Variants in PRELID3A observed in about 807,000 individuals in gnomAD.
The protein encoded by PRELID3A is PRELI domain containing 3A.
Under a neutral mutation model 23.0 loss-of-function variants are expected in PRELID3A, and 27 were observed. The observed-to-expected ratio is 1.17, with a 90% CI of 0.87 to 1.62. The LOEUF (loss-of-function observed/expected upper bound fraction) is 1.62. Ranked by LOEUF, PRELID3A falls within the 40% of genes most tolerant of loss-of-function variation. The pLI is 0.00. For missense variants in PRELID3A, 231 were observed against 231.4 expected (o/e 1.00, Z 0.01); for synonymous variants, 87 against 86.4 (o/e 1.01, Z -0.04).
At chr18:12,423,992 G>A (rs2030278407) in intron 3 of PRELID3A, among the ~76,000 whole-genome samples, 1 of 152,310 alleles carries the variant, frequency 6.6e-6, no homozygotes, top group African/African-American at 2.4e-5. Flanking sequence ...AAGGCAGTGG[G>A]TGCATCCCTG....
At chr18:12,430,090 C>G (rs542081606) in intron 6 of PRELID3A, among the ~76,000 whole-genome samples, 41 of 152,358 alleles carry the variant, frequency 2.7e-4, no homozygotes, top group Non-Finnish European at 5.3e-4. Context: ...ATCTGTCCCC[C>G]GTGTGTGTGG....
chr18:12,427,618 C>A (rs1454749597), intron 5 of PRELID3A, among the ~76,000 whole-genome samples: 2 of 151,838 alleles, frequency 1.3e-5, no homozygotes, highest in Non-Finnish European at 2.9e-5. Flanking sequence ...TTGCTTGGAC[C>A]CATGAGGCGG....
intron 1 of PRELID3A, chr18:12,410,739 C>T (rs903373223): frequency 1.3e-5 from 2 of 152,014 alleles, no homozygotes; most frequent in Non-Finnish European, 2.9e-5. Context: ...CTCTATCACC[C>T]AGGCTGGAGT....
chr18:12,423,512 G>T (rs2030258831), intron 3 of PRELID3A, among the ~76,000 whole-genome samples: 1 of 152,194 alleles, frequency 6.6e-6, no homozygotes, highest in Admixed American at 6.5e-5. Context: ...CTCTGGTTAG[G>T]GCGCCAGGCT....
chr18:12,421,469 A>T, intron 2 of PRELID3A, 71 bp from the exon 3 acceptor site: 1 of 910,100 alleles, frequency 1.1e-6, no homozygotes, highest in Non-Finnish European at 1.8e-6. Flanking sequence ...TAGTAAATGC[A>T]ATGGTATTCG....
chr18:12,430,684 T>G (rs370484991), intron 6 of PRELID3A, among the ~76,000 whole-genome samples: 4 of 101,060 alleles, frequency 4.0e-5, no homozygotes, highest in Admixed American at 2.0e-4. Context: ...GTGTATGTGA[T>G]TGGTGTGTGC....
In PRELID3A at chr18:12,426,410, T is replaced by C. The variant is rs542517237; in HGVS notation, c.292-631T>C. ...TCTACTAAAAATACAAAAAATTAGCTGGGCATGGTGGCAGGTGCCTGTAGT... is the reference window on the plus strand; with the variant it reads ...TCTACTAAAAATACAAAAAATTAGCCGGGCATGGTGGCAGGTGCCTGTAGT... On this transcript the variant is annotated intron_variant, in intron 3 of 6. Transcript: ENST00000440960. Among the ~76,000 whole-genome samples, 1,140 of 147,556 alleles carry C rather than the reference T, an allele frequency of 7.7e-3. 8 individuals carry two copies. The highest frequency in any genetic ancestry group is 9.0e-3 in the Non-Finnish European group (603 of 66,680).
At chr18:12,419,923 C>T (rs531309827) in intron 1 of PRELID3A, 107 of 181,182 alleles carry the variant, frequency 5.9e-4, no homozygotes, top group Admixed American at 2.4e-3. Flanking sequence ...AGCAAGACTC[C>T]GTCTCAAACA....
At chr18:12,428,844 A>C (rs1397992046) in intron 5 of PRELID3A, among the ~76,000 whole-genome samples, 1 of 152,224 alleles carries the variant, frequency 6.6e-6, no homozygotes, top group Non-Finnish European at 1.5e-5. Context: ...CAGCTACCTT[A>C]GACCTTTTAT....
chr18:12,428,074 T>C (rs1038630229), intron 5 of PRELID3A, among the ~76,000 whole-genome samples: 2 of 152,170 alleles, frequency 1.3e-5, no homozygotes, highest in African/African-American at 4.8e-5. Context: ...TGGCTGAACC[T>C]CTCCAGCAGT....
chr18:12,415,364 A>G (rs900506986), intron 1 of PRELID3A, among the ~76,000 whole-genome samples: 6 of 151,844 alleles, frequency 4.0e-5, no homozygotes, highest in South Asian at 2.1e-4. Context: ...GGTTCAAGCA[A>G]TTCTCCTGCC....
intron 5 of PRELID3A, among the ~76,000 whole-genome samples, chr18:12,428,851 T>C (rs1288292944): frequency 6.6e-6 from 1 of 152,218 alleles, no homozygotes; most frequent in Non-Finnish European, 1.5e-5. Context: ...CTTAGACCTT[T>C]TATGTGAAAA....
At chr18:12,417,261 C>T (rs2029990546) in intron 1 of PRELID3A, among the ~76,000 whole-genome samples, 1 of 152,106 alleles carries the variant, frequency 6.6e-6, no homozygotes, top group Non-Finnish European at 1.5e-5. Flanking sequence ...GCAACTTCCA[C>T]CTCCTGGGTT....
At chr18:12,415,496 A>T (rs1414495785) in intron 1 of PRELID3A, among the ~76,000 whole-genome samples, 1 of 152,070 alleles carries the variant, frequency 6.6e-6, no homozygotes, top group Non-Finnish European at 1.5e-5. Flanking sequence ...CTGTCAAGTG[A>T]TCCGCCCGCC....
At chr18:12,426,588 G>C (rs2030387899) in intron 3 of PRELID3A, among the ~76,000 whole-genome samples, 1 of 109,928 alleles carries the variant, frequency 9.1e-6, no homozygotes, top group Non-Finnish European at 1.9e-5. Flanking sequence ...TACATAAGGA[G>C]TTAGTCTGTT....
At chr18:12,420,800 G>C (rs1338946416) in intron 2 of PRELID3A, among the ~76,000 whole-genome samples, 2 of 129,440 alleles carry the variant, frequency 1.5e-5, no homozygotes, top group Non-Finnish European at 3.4e-5. Context: ...TCACGGGGTG[G>C]GGGGACGGTG....
At chr18:12,426,355 C>G (rs1453295048) in intron 3 of PRELID3A, among the ~76,000 whole-genome samples, 1 of 150,734 alleles carries the variant, frequency 6.6e-6, no homozygotes, top group Admixed American at 6.6e-5. Flanking sequence ...GAGATCGAGA[C>G]CATCCTGGCT....
intron 1 of PRELID3A, among the ~76,000 whole-genome samples, chr18:12,412,824 GTTAA>G (rs1235587735): frequency 2.0e-5 from 3 of 152,142 alleles, no homozygotes; most frequent in Admixed American, 1.3e-4. Flanking sequence ...AATTGAAAAA[GTTAA>G]TTCATTAAAT....
At chr18:12,412,732 T>G (rs1909958954) in intron 1 of PRELID3A, among the ~76,000 whole-genome samples, 1 of 152,230 alleles carries the variant, frequency 6.6e-6, no homozygotes, top group South Asian at 2.1e-4. Context: ...TCAGGACCTC[T>G]TGATTTAGCA....
Sources: allele counts gnomAD v4.1 joint callset (sites outside exome capture counted in the v4.1 genomes callset), GRCh38; gene constraint gnomAD v4.1.1; transcripts MANE v1.5; gene names NCBI Gene and HGNC (gene_info 2026-07-23, HGNC 2026-07-21).